Variants in PLXDC2 observed in about 807,000 individuals in gnomAD.
The protein encoded by PLXDC2 is plexin domain-containing protein 2.
A neutral mutation model predicts 68.9 loss-of-function variants in PLXDC2; 40 were observed. That is an observed-to-expected ratio of 0.58 (90% confidence interval 0.45 to 0.76). The LOEUF is 0.76. Ranked by LOEUF, PLXDC2 falls within the 30% of genes least tolerant of loss-of-function variation. The pLI is 0.00. For missense variants in PLXDC2, 644 were observed against 661.9 expected, an observed-to-expected ratio of 0.97 and a Z score of 0.30; for synonymous variants, 243 against 234.2, an observed-to-expected ratio of 1.04 and a Z score of -0.34.
rs532720746 is a variant in PLXDC2, at chr10:20,124,311, T to C, written c.542-18984T>C. On this transcript the variant is annotated intron_variant, in intron 4 of 13. Transcript: ENST00000377252. ...AATTGAAATTAAGAGAAGGGAGAGA[T>C]TGAAGAGTGGAAAGGAGAAAGTGGT... 1.3e-3 allele frequency among the ~76,000 whole-genome samples: 204 copies of C among 151,944 alleles called. 1 individual carries two copies. The highest frequency in any genetic ancestry group is 3.9e-3 in the African/African-American group (163 of 41,418).
chr10:20,000,754 A>G (rs1392505710), intron 1 of PLXDC2, among the ~76,000 whole-genome samples: 1 of 152,196 alleles, frequency 6.6e-6, no homozygotes, highest in Non-Finnish European at 1.5e-5. Flanking sequence ...TTGGTTTCTT[A>G]GAATGTTCTT....
intron 4 of PLXDC2, among the ~76,000 whole-genome samples, chr10:20,109,580 A>C (rs1158618264): frequency 6.6e-6 from 1 of 152,180 alleles, no homozygotes; most frequent in Non-Finnish European, 1.5e-5. Context: ...CATAAATATC[A>C]GTTTGATATT....
chr10:20,029,450 C>CTA (rs1835462139), intron 2 of PLXDC2, among the ~76,000 whole-genome samples: 2 of 152,244 alleles, frequency 1.3e-5, no homozygotes, highest in Middle Eastern at 6.8e-3. Context: ...TTATATTGGA[C>CTA]TATAGTCTCT....
In PLXDC2 at chr10:20,211,563, G is replaced by GA. The variant is rs751471852; in HGVS notation, c.1062-102dup. On this transcript the variant is annotated intron_variant, in intron 9 of 13. Transcript: ENST00000377252. ...AGAAGAGTTAATGTTATGCTAAACT[G>GA]AAAATGTGAGAATGAACTACCTACT... 86 of 945,458 alleles carry GA rather than the reference G, an allele frequency of 9.1e-5. 1 individual carries two copies. Among genetic ancestry groups the GA allele is most frequent in the Non-Finnish European group, 2.4e-5 (15 of 635,428 alleles). 58.6% of individuals were successfully genotyped at this position (945,458 alleles called of 1,614,324 possible). A position where few individuals can be genotyped will look rare whatever the true frequency, so the allele number is the denominator to read the frequency against.
At chr10:19,856,874 A>T (rs970328736) in intron 1 of PLXDC2, among the ~76,000 whole-genome samples, 2 of 152,216 alleles carry the variant, frequency 1.3e-5, no homozygotes, top group African/African-American at 4.8e-5. Flanking sequence ...GGTTACAGGG[A>T]TAAAGAAATC....
intron 1 of PLXDC2, among the ~76,000 whole-genome samples, chr10:19,887,949 A>G (rs1837879974): frequency 6.6e-6 from 1 of 152,210 alleles, no homozygotes; most frequent in Non-Finnish European, 1.5e-5. Flanking sequence ...CACAACTTTG[A>G]ATTACTTCTG....
At position 20,217,559 on chromosome 10, in the gene PLXDC2, C is replaced by G. The variant is rs751169114; in HGVS notation, c.1256C>G (p.Thr419Ser). 2 of 1,607,820 alleles carry G rather than the reference C, an allele frequency of 1.2e-6. No individual in the cohort carries two copies. The highest frequency in any genetic ancestry group is 1.7e-6 in the Non-Finnish European group (2 of 1,176,880). ...AGAGCAGTGACTTCTCAGTTTCCCA[C>G]CAGCCTCCCTACAGAAGGTACCCAA... ...TRRAVTSQFP[T>S]SLPTEDDTKI... is the part of the protein sequence containing the mutation. The change falls in exon 11 of 14, where the codon ACC becomes AGC. Residue 419 changes from threonine (T) to serine (S), a missense_variant. Coordinates refer to ENST00000377252, the MANE Select transcript of PLXDC2 (RefSeq NM_032812.9).
At chr10:19,869,479 GGA>G (rs1156574741) in intron 1 of PLXDC2, among the ~76,000 whole-genome samples, 2 of 106,412 alleles carry the variant, frequency 1.9e-5, no homozygotes, top group African/African-American at 6.7e-5. Flanking sequence ...GGGGGGGGGG[GGA>G]GAGGGTGGGA....
At chr10:20,123,705 T>C (rs1280749745) in intron 4 of PLXDC2, among the ~76,000 whole-genome samples, 1 of 149,296 alleles carries the variant, frequency 6.7e-6, no homozygotes, top group Non-Finnish European at 1.5e-5. Context: ...GGTTCGGGGG[T>C]TCTTACCCTC....
At chr10:19,983,713 T>A (rs955415085) in intron 1 of PLXDC2, among the ~76,000 whole-genome samples, 29 of 152,190 alleles carry the variant, frequency 1.9e-4, no homozygotes, top group Admixed American at 1.8e-3. Context: ...GTCCCTCCTA[T>A]AACCTTGCTG....
intron 4 of PLXDC2, among the ~76,000 whole-genome samples, chr10:20,138,202 G>A (rs1158119404): frequency 1.3e-5 from 2 of 152,180 alleles, no homozygotes; most frequent in African/African-American, 2.4e-5. Context: ...CAATTAGCCA[G>A]TGCTGAAATT....
At chr10:19,897,337 T>G (rs556062234) in intron 1 of PLXDC2, among the ~76,000 whole-genome samples, 12 of 152,078 alleles carry the variant, frequency 7.9e-5, no homozygotes, top group Non-Finnish European at 1.5e-4. Context: ...CCTCCCAGGT[T>G]CAAGCAATTC....
intron 1 of PLXDC2, among the ~76,000 whole-genome samples, chr10:19,836,302 G>C (rs554639937): frequency 6.6e-6 from 1 of 152,236 alleles, no homozygotes; most frequent in East Asian, 1.9e-4. Context: ...TATAGGCATG[G>C]GGGAAGACAA....
At chr10:19,925,545 C>G (rs1833526776) in intron 1 of PLXDC2, among the ~76,000 whole-genome samples, 1 of 152,184 alleles carries the variant, frequency 6.6e-6, no homozygotes, top group Admixed American at 6.5e-5. Flanking sequence ...CTGATTGAAT[C>G]ACTTTCTCAA....
intron 5 of PLXDC2, among the ~76,000 whole-genome samples, chr10:20,145,211 TCTG>T (rs1268191764): frequency 6.6e-6 from 1 of 152,228 alleles, no homozygotes; most frequent in Non-Finnish European, 1.5e-5. Context: ...TGAAATATCT[TCTG>T]TGTAATGACT....
intron 4 of PLXDC2, among the ~76,000 whole-genome samples, chr10:20,084,528 A>G (rs1462269747): frequency 6.6e-6 from 1 of 152,106 alleles, no homozygotes; most frequent in African/African-American, 2.4e-5. Flanking sequence ...TAATACCTTC[A>G]TGAAGCTACA....
intron 4 of PLXDC2, among the ~76,000 whole-genome samples, chr10:20,103,933 G>T (rs1011670490): frequency 1.3e-5 from 2 of 152,162 alleles, no homozygotes. Context: ...GTGAGCCACC[G>T]TGCCCGGCTG....
intron 4 of PLXDC2, among the ~76,000 whole-genome samples, chr10:20,100,569 C>G (rs1180089866): frequency 6.6e-6 from 1 of 152,140 alleles, no homozygotes; most frequent in Non-Finnish European, 1.5e-5. Context: ...AATACGGTTG[C>G]TCTGGACATG....
At chr10:19,957,152 C>G (rs1834083609) in intron 1 of PLXDC2, among the ~76,000 whole-genome samples, 1 of 152,126 alleles carries the variant, frequency 6.6e-6, no homozygotes, top group African/African-American at 2.4e-5. Flanking sequence ...CACAAGCAAA[C>G]TAGTACCAAC....
Sources: gnomAD v4.1 joint callset for allele counts (sites outside exome capture counted in the v4.1 genomes callset) on GRCh38, gnomAD v4.1.1 for gene constraint, MANE v1.5 for transcripts, NCBI Gene and HGNC (gene_info 2026-07-23, HGNC 2026-07-21) for gene names.